DMD: variants seen among roughly 807,000 people sequenced by gnomAD.
The protein encoded by DMD is mutant dystrophin.
In DMD, 63 loss-of-function variants were observed where a neutral mutation model predicts 330.1. That is an observed-to-expected ratio of 0.19 (90% confidence interval 0.16 to 0.24). DMD has a LOEUF of 0.24. DMD is among the 10% of genes least tolerant of loss of function. The pLI, the probability that DMD is intolerant of heterozygous loss-of-function variation, is 1.00. For synonymous variants in DMD, 1,223 were observed against 959.8 expected (o/e 1.27, Z -5.07); for missense variants, 3,344 against 2,684.1 (o/e 1.25, Z -5.43).
At chrX:31,926,318 C>T (rs1203775664) in intron 47 of DMD, among the ~76,000 whole-genome samples, 2 of 111,664 alleles carry the variant, frequency 1.8e-5, no homozygotes, top group Non-Finnish European at 3.8e-5. Context: ...CAACCCTGTC[C>T]ACCACTCCCT....
chrX:33,247,568 A>G (rs189307519), intron 1 of DMD, among the ~76,000 whole-genome samples: 133 of 111,717 alleles, frequency 1.2e-3, no homozygotes, highest in African/African-American at 4.2e-3. Flanking sequence ...ATAAATTATT[A>G]TTATCATTGT....
chrX:31,861,535 T>G (rs1401455160), intron 48 of DMD, among the ~76,000 whole-genome samples: 1 of 106,300 alleles, frequency 9.4e-6, no homozygotes, highest in African/African-American at 3.4e-5. Flanking sequence ...ATTGGAGTGC[T>G]GCTTAAGTGA....
intron 9 of DMD, among the ~76,000 whole-genome samples, chrX:32,656,356 T>C (rs1381396126): frequency 9.0e-6 from 1 of 111,614 alleles, no homozygotes; most frequent in African/African-American, 3.3e-5. Context: ...GATCCCTGAA[T>C]GAGCAGAGAC....
rs371437381 is a variant in DMD, at chrX:31,658,017, T to C, written c.8000A>G (p.Asn2667Ser). 11 of 1,208,955 alleles carry C rather than the reference T, an allele frequency of 9.1e-6. No individual in the cohort carries two copies. Among genetic ancestry groups the C allele is most frequent in the South Asian group, 3.5e-5 (2 of 56,820 alleles). The change falls in exon 54 of 79, where the codon AAT becomes AGT. Residue 2667 changes from asparagine to serine, a missense_variant. Transcript: ENST00000357033. Reference protein sequence around the residue: ...RKVHMITENINASWRSIHKRV... With the variant: ...RKVHMITENISASWRSIHKRV... The stretch of plus-strand genomic sequence containing the variant: ...TTTATGAATGCTTCTCCAAGAGGCA[T>C]TGATATTCTCTGTTATCATGTGGAC...
intron 51 of DMD, among the ~76,000 whole-genome samples, chrX:31,734,548 T>C (rs992875865): frequency 1.8e-5 from 2 of 111,946 alleles, no homozygotes; most frequent in African/African-American, 6.5e-5. Flanking sequence ...TTGAACTTTA[T>C]AACACTTACA....
intron 2 of DMD, among the ~76,000 whole-genome samples, chrX:33,019,481 TCTTTTAAACTTTGACATCCCAATAAA>T (rs1415253457): frequency 9.0e-6 from 1 of 111,543 alleles, no homozygotes; most frequent in Non-Finnish European, 1.9e-5. Context: ...AAAATGCAAG[TCTTTTAAACTTTGACATCCCAATAAA>T]CCTCCATATA....
chrX:32,507,799 G>A (rs2044782223), intron 18 of DMD, among the ~76,000 whole-genome samples: 1 of 111,379 alleles, frequency 9.0e-6, no homozygotes, highest in South Asian at 3.8e-4. Flanking sequence ...TAAGAAAGAA[G>A]AAATCAGCAT....
At chrX:32,995,005 TG>T (rs1485841370) in intron 2 of DMD, among the ~76,000 whole-genome samples, 1 of 111,219 alleles carries the variant, frequency 9.0e-6, no homozygotes, top group East Asian at 2.9e-4. Flanking sequence ...CCCAGCTACT[TG>T]GGGGTTCAGG....
intron 1 of DMD, among the ~76,000 whole-genome samples, chrX:33,154,642 A>AT (rs1216069854): frequency 1.8e-5 from 2 of 111,164 alleles, no homozygotes; most frequent in African/African-American, 6.5e-5. Context: ...CCTGACCCTA[A>AT]TTTTTCCCCT....
At chrX:32,698,733 A>G (rs760695337) in intron 8 of DMD, among the ~76,000 whole-genome samples, 1 of 112,189 alleles carries the variant, frequency 8.9e-6, no homozygotes, top group Non-Finnish European at 1.9e-5. Flanking sequence ...TTTAATGATT[A>G]AAAACTGTAT....
chrX:32,894,110 G>A (rs940317401), intron 2 of DMD, among the ~76,000 whole-genome samples: 2 of 111,838 alleles, frequency 1.8e-5, no homozygotes, highest in Non-Finnish European at 3.8e-5. Flanking sequence ...ATGACCATGA[G>A]AATTAATGCT....
At position 31,119,381 on chromosome X, in the gene DMD, A is replaced by AAACAC. The variant is rs1443831307; in HGVS notation, c.*2533_*2537dup. ...CGTAAATGTTACAGTGTTGGTGTTA[A>AAACAC]AACACAATATATTATGATACTCAAG... On this transcript the variant is annotated 3_prime_UTR_variant, in exon 79 of 79. Coordinates refer to ENST00000357033, the MANE Select transcript of DMD (RefSeq NM_004006.3). The AAACAC allele has an allele frequency of 8.9e-6, 1 of 112,463 alleles. No homozygotes were observed. The highest frequency in any genetic ancestry group is 2.8e-4 in the East Asian group (1 of 3,610). 9.3% of individuals were successfully genotyped at this position (112,463 alleles called of 1,213,427 possible).
At chrX:32,715,946 G>A (rs745943199) in intron 7 of DMD, among the ~76,000 whole-genome samples, 2 of 111,665 alleles carry the variant, frequency 1.8e-5, no homozygotes, top group South Asian at 7.6e-4. Context: ...TAACTATGCT[G>A]AGTATCATTT....
chrX:32,582,588 G>C (rs964345114), intron 13 of DMD, among the ~76,000 whole-genome samples: 5 of 111,662 alleles, frequency 4.5e-5, no homozygotes, highest in African/African-American at 1.6e-4. Flanking sequence ...TAAAACCACA[G>C]CAGATTCTTT....
chrX:32,657,137 T>C (rs12393596), intron 9 of DMD, among the ~76,000 whole-genome samples: 8,740 of 109,865 alleles, frequency 0.08, 871 homozygotes, highest in African/African-American at 0.28. Flanking sequence ...TTTTTTCCTG[T>C]ACTTCACCTG....
In DMD at chrX:32,402,592, G is replaced by A. The variant is rs192697597; in HGVS notation, c.4233+9160C>T. ...TAGGCTGCTGTAATTACCAAATAAC[G>A]TGAATGCTTTCAAAATATTAGATAT... On this transcript the variant is annotated intron_variant, in intron 30 of 78. Coordinates refer to ENST00000357033, the MANE Select transcript of DMD (RefSeq NM_004006.3). 2.8e-3 allele frequency among the ~76,000 whole-genome samples: 313 copies of A among 111,173 alleles called. 3 individuals are homozygous for A. The highest frequency in any genetic ancestry group is 8.8e-3 in the African/African-American group (271 of 30,757).
chrX:32,806,709 G>A (rs1482970159), intron 7 of DMD, among the ~76,000 whole-genome samples: 1 of 111,368 alleles, frequency 9.0e-6, no homozygotes, highest in Admixed American at 9.6e-5. Context: ...ACACTCCTCA[G>A]CAAATGCAAA....
intron 2 of DMD, among the ~76,000 whole-genome samples, chrX:32,971,836 A>G (rs957819814): frequency 2.5e-4 from 28 of 111,292 alleles, no homozygotes; most frequent in African/African-American, 7.8e-4. Context: ...CTGAATAGAA[A>G]GTGGTGGCCA....
intron 29 of DMD, among the ~76,000 whole-genome samples, chrX:32,418,972 CAAAAAAA>C (rs1160282195): frequency 0.01 from 136 of 13,488 alleles, 2 homozygotes; most frequent in African/African-American, 0.026. Flanking sequence ...GACTCTGTCT[CAAAAAAA>C]AAAAAAAAAA....
Sources: allele counts gnomAD v4.1 joint callset (sites outside exome capture counted in the v4.1 genomes callset), GRCh38; gene constraint gnomAD v4.1.1; transcripts MANE v1.5; gene names NCBI Gene and HGNC (gene_info 2026-07-23, HGNC 2026-07-21).